Variants in PWWP2A observed in about 807,000 individuals in gnomAD.
PWWP2A encodes the protein PWWP domain containing 2A, also known as PWWP domain-containing protein 2A.
In PWWP2A, 18 loss-of-function variants were observed where a neutral mutation model predicts 48.5. The ratio of observed to expected loss-of-function variants is 0.37; its 90% confidence interval spans 0.26 to 0.55. The LOEUF (loss-of-function observed/expected upper bound fraction) is 0.55, where lower values mean the gene tolerates loss of function less well. PWWP2A is among the 20% of genes least tolerant of loss of function. The pLI is 0.81. For synonymous variants in PWWP2A, 396 were observed against 387.7 expected, an observed-to-expected ratio of 1.02 and a Z score of -0.25; for missense variants, 867 against 976.4, an observed-to-expected ratio of 0.89 and a Z score of 1.49.
At chr5:160,104,735 G>A (rs1756691251) in intron 1 of PWWP2A, among the ~76,000 whole-genome samples, 1 of 152,136 alleles carries the variant, frequency 6.6e-6, no homozygotes, top group South Asian at 2.1e-4. Flanking sequence ...AACCCAGGAG[G>A]CAGAGTTTGC....
intron 1 of PWWP2A, among the ~76,000 whole-genome samples, chr5:160,109,989 AAC>A (rs929936147): frequency 6.6e-6 from 1 of 151,056 alleles, no homozygotes; most frequent in Non-Finnish European, 1.5e-5. Context: ...TTGAAAACTG[AAC>A]AGTCTTGAGC....
In PWWP2A at chr5:160,118,876, C is replaced by G. The variant is rs1222723258; in HGVS notation, c.513G>C (p.Glu171Asp). ...AGCGGAACGACACGACAAGCGCGTC[C>G]TCAATGATGTGGTCCAGCGTGACCC... ...EVRVTLDHII[E>D]DALVVSFRFG... The change falls in exon 1 of 2, where the codon GAG (glutamate) becomes GAC (aspartate). Residue 171 changes from glutamate (E) to aspartate (D), a missense_variant. Glu to Asp is a conservative substitution (Grantham distance 45). This residue lies in a region of PWWP2A where 385 missense variants were observed against 396.9 expected (regional missense o/e 0.97). Coordinates refer to ENST00000307063, the MANE Select transcript of PWWP2A (RefSeq NM_001130864.2). 1 of 1,597,154 alleles carries G rather than the reference C, an allele frequency of 6.3e-7. No individual in the cohort carries two copies.
intron 1 of PWWP2A, chr5:160,116,879 G>T (rs1561711171): frequency 7.7e-6 from 4 of 516,536 alleles, no homozygotes; most frequent in East Asian, 3.0e-4. Context: ...GATCACCTGA[G>T]GTCAGGAGTT....
chr5:160,090,254 G>A (rs1754956832), downstream of PWWP2A: 2 of 984,790 alleles, frequency 2.0e-6, no homozygotes, highest in African/African-American at 3.5e-5. Context: ...CCAAGCACTT[G>A]ACCATATCAG....
intron 4 of PWWP2A, chr5:160,065,404 A>C (rs1382543623): frequency 2.1e-6 from 1 of 481,718 alleles, no homozygotes; most frequent in Non-Finnish European, 4.1e-6. Context: ...TGAACCAAAC[A>C]AACCTGTTGG....
chr5:160,111,104 G>A (rs1368797451), intron 1 of PWWP2A, among the ~76,000 whole-genome samples: 2 of 151,960 alleles, frequency 1.3e-5, no homozygotes, highest in Non-Finnish European at 2.9e-5. Context: ...AGGATTACTA[G>A]TCACTTGAGG....
At chr5:160,049,521 A>G in the PWWP2A span, 59 of 1,570,592 alleles carry the variant, frequency 3.8e-5, no homozygotes, top group African/African-American at 5.7e-4. Context: ...CAGCAATTCA[A>G]TTAAACCCCA....
At chr5:160,086,525 A>AATAT (rs936255518), downstream of PWWP2A, among the ~76,000 whole-genome samples, 1 of 151,092 alleles carries the variant, frequency 6.6e-6, no homozygotes, top group African/African-American at 2.4e-5. Context: ...TAAATAAATA[A>AATAT]ATATATATAT....
intron 2 of PWWP2A, among the ~76,000 whole-genome samples, chr5:160,067,955 C>T (rs1034840929): frequency 1.3e-5 from 2 of 152,258 alleles, no homozygotes; most frequent in East Asian, 1.9e-4. Flanking sequence ...CCGAGGTGGG[C>T]GGATCACCTG....
At chr5:160,116,539 A>C (rs1758160974) in intron 1 of PWWP2A, 3 of 228,422 alleles carry the variant, frequency 1.3e-5, no homozygotes, top group Non-Finnish European at 2.2e-5. Flanking sequence ...CATATTAGGA[A>C]TAGCTCCTCC....
At chr5:160,068,354 C>G (rs1271837820) in intron 2 of PWWP2A, among the ~76,000 whole-genome samples, 1 of 152,176 alleles carries the variant, frequency 6.6e-6, no homozygotes, top group Non-Finnish European at 1.5e-5. Context: ...AATCCCAGCA[C>G]TCTAGGAGGC....
intron 1 of PWWP2A, among the ~76,000 whole-genome samples, chr5:160,111,393 C>T (rs956328779): frequency 6.6e-6 from 1 of 152,092 alleles, no homozygotes; most frequent in African/African-American, 2.4e-5. Flanking sequence ...GTCTTGAACT[C>T]CTGACGTCAG....
At chr5:160,102,087 G>A (rs1353141053) in intron 1 of PWWP2A, among the ~76,000 whole-genome samples, 1 of 147,514 alleles carries the variant, frequency 6.8e-6, no homozygotes, top group East Asian at 2.0e-4. Flanking sequence ...TCCAGCCTGG[G>A]CAATAAGAGT....
intron 2 of PWWP2A, among the ~76,000 whole-genome samples, chr5:160,081,836 T>G (rs1301574307): frequency 6.6e-6 from 1 of 152,200 alleles, no homozygotes; most frequent in African/African-American, 2.4e-5. Context: ...ACCTATCACA[T>G]CAGTGTAGTC....
downstream of PWWP2A, among the ~76,000 whole-genome samples, chr5:160,073,846 C>T (rs187011527): frequency 2.2e-3 from 338 of 152,056 alleles, 2 homozygotes; most frequent in African/African-American, 7.6e-3. Flanking sequence ...GGGTGGATCA[C>T]TTGAGGTTGG....
At chr5:160,098,534 C>T (rs944476852) in intron 1 of PWWP2A, among the ~76,000 whole-genome samples, 24 of 152,190 alleles carry the variant, frequency 1.6e-4, no homozygotes, top group Admixed American at 3.9e-4. Context: ...ATTTTGAAAT[C>T]AATTTCAGGG....
At chr5:160,104,813 C>A (rs1003528351) in intron 1 of PWWP2A, among the ~76,000 whole-genome samples, 5 of 151,808 alleles carry the variant, frequency 3.3e-5, no homozygotes, top group Admixed American at 1.3e-4. Context: ...TCAAAAAAAA[C>A]AAAAACAAAC....
At chr5:160,097,336 CAAAAAAAAAAAAA>C (rs70987999) in intron 1 of PWWP2A, among the ~76,000 whole-genome samples, 16 of 34,364 alleles carry the variant, frequency 4.7e-4, no homozygotes, top group African/African-American at 1.3e-3. Flanking sequence ...GCCTTTGTCT[CAAAAAAAAAAAAA>C]AAAAAAAAAA....
intron 1 of PWWP2A, among the ~76,000 whole-genome samples, chr5:160,109,388 T>C (rs927395531): frequency 2.6e-5 from 4 of 151,860 alleles, no homozygotes; most frequent in Non-Finnish European, 5.9e-5. Flanking sequence ...CCTTTCAGGA[T>C]TTTTCACTTT....
Sources: gnomAD v4.1 joint callset for allele counts (sites outside exome capture counted in the v4.1 genomes callset) on GRCh38, gnomAD v4.1.1 for gene constraint, gnomAD v4.1.1 regional missense constraint, MANE v1.5 for transcripts, NCBI Gene and HGNC (gene_info 2026-07-23, HGNC 2026-07-21) for gene names.